Variants in SNX33 observed in about 807,000 individuals in gnomAD.
SNX33 encodes the protein sorting nexin 33, also known as sorting nexin-33.
SNX33 carries 19 observed loss-of-function variants against 38.8 expected under a neutral mutation model. That is an observed-to-expected ratio of 0.49 (90% CI 0.34 to 0.72). The LOEUF (loss-of-function observed/expected upper bound fraction) is 0.72. Ranked by LOEUF, SNX33 falls within the 30% of genes least tolerant of loss-of-function variation. SNX33 has a pLI of 0.01. For missense variants in SNX33, 641 were observed against 776.4 expected (o/e 0.83, Z 2.07); for synonymous variants, 246 against 289.7 (o/e 0.85, Z 1.53).
At position 75,657,307 on chromosome 15, in the gene SNX33, G is replaced by A; in HGVS notation, c.*92G>A. ...CTCCCTATACCAGCAGTGACTGGGGGAGGGGTCAGCGGTGGGGGAGATAAG... is the reference window on the plus strand; with the variant it reads ...CTCCCTATACCAGCAGTGACTGGGGAAGGGGTCAGCGGTGGGGGAGATAAG... On this transcript the variant is annotated 3_prime_UTR_variant, in exon 2 of 2. Transcript: ENST00000308527. The surrounding 1 kb of genome is among the most constrained non-coding windows in gnomAD (Gnocchi z 5.5). 1 of 1,567,146 alleles carries A rather than the reference G, an allele frequency of 6.4e-7. No homozygotes were observed. The highest frequency in any genetic ancestry group is 1.7e-5 in the Admixed American group (1 of 58,430).
At chr15:75,651,831 G>A (rs927726906) in intron 1 of SNX33, among the ~76,000 whole-genome samples, 4 of 152,228 alleles carry the variant, frequency 2.6e-5, no homozygotes, top group Admixed American at 2.6e-4. Flanking sequence ...GGGGCCAGGG[G>A]GCAGACCTCT....
At position 75,649,173 on chromosome 15, in the gene SNX33, A is replaced by T. The variant is rs754491251; in HGVS notation, c.71A>T (p.Asp24Val). 1.2e-6 allele frequency: 2 copies of T among 1,614,022 alleles called. No individual in the cohort carries two copies. The highest frequency in any genetic ancestry group is 1.7e-6 in the Non-Finnish European group (2 of 1,179,944). The change falls in exon 1 of 2, where the codon GAT becomes GTT. Residue 24 changes from aspartate to valine, a missense_variant. Asp to Val is a radical substitution (Grantham distance 152). Coordinates refer to ENST00000308527, the MANE Select transcript of SNX33 (RefSeq NM_153271.2). The surrounding 1 kb of genome is among the most constrained non-coding windows in gnomAD (Gnocchi z 6.6). The stretch of plus-strand genomic sequence containing the variant: ...AAGGAGGAAATCAGCATCCAGCAGG[A>T]TGAGGACCTGGTCATCTTTAGCGAG... ...ENKEEISIQQ[D>V]EDLVIFSETS...
In SNX33 at chr15:75,652,708, C is replaced by G. The variant is rs555861513; in HGVS notation, c.1471+2135C>G. Among the ~76,000 whole-genome samples, 120 of 152,328 alleles carry G rather than the reference C, an allele frequency of 7.9e-4. 1 individual carries two copies. The highest frequency in any genetic ancestry group is 3.3e-3 in the South Asian group (16 of 4,832). On this transcript the variant is annotated intron_variant, in intron 1 of 1. Coordinates refer to ENST00000308527, the MANE Select transcript of SNX33 (RefSeq NM_153271.2). ...CTGCCTTCCCTCCCCGGGAGGACCC[C>G]TCCCAATGGGCCAAGCCCTCTCTGG...
Position 75,658,387 on chromosome 15 carries a change from C to T in SNX33, c.*1172C>T, listed in dbSNP as rs1893681208. The T allele has an allele frequency of 6.6e-6, 1 of 152,634 alleles. No homozygotes were observed. Among genetic ancestry groups the T allele is most frequent in the Non-Finnish European group, 1.5e-5 (1 of 68,060 alleles). The allele number at this position is 152,634 out of a possible 1,614,324, so 9.5% of individuals were successfully genotyped here. A position where few individuals can be genotyped will look rare whatever the true frequency, so the allele number is the denominator to read the frequency against. ...GCGAGGGATTCCATGCCCACCTGCC[C>T]TCTGTCTGCCTCGCTGGAATGTGGG... On this transcript the variant is annotated 3_prime_UTR_variant, in exon 2 of 2. Coordinates refer to ENST00000308527, the MANE Select transcript of SNX33 (RefSeq NM_153271.2). This position sits in a 1 kb window ranked among gnomAD's most constrained non-coding sequence, Gnocchi z 4.1.
intron 1 of SNX33, among the ~76,000 whole-genome samples, chr15:75,651,537 T>C (rs1465746586): frequency 6.6e-6 from 1 of 152,252 alleles, no homozygotes; most frequent in Non-Finnish European, 1.5e-5. Flanking sequence ...ACAGGGGCAC[T>C]CTGGCTGGGC....
chr15:75,653,305 AT>A (rs901646225), intron 1 of SNX33, among the ~76,000 whole-genome samples: 4 of 152,152 alleles, frequency 2.6e-5, no homozygotes, highest in Non-Finnish European at 5.9e-5. Context: ...TAACCATATA[AT>A]TAACCAGGGC....
At chr15:75,651,447 G>A (rs1893579144) in intron 1 of SNX33, among the ~76,000 whole-genome samples, 1 of 151,994 alleles carries the variant, frequency 6.6e-6, no homozygotes, top group South Asian at 2.1e-4. Context: ...CCCTCTGTGG[G>A]GGAGGGACAG....
At chr15:75,654,051 C>CCA (rs1893620287) in intron 1 of SNX33, among the ~76,000 whole-genome samples, 1 of 150,752 alleles carries the variant, frequency 6.6e-6, no homozygotes, top group African/African-American at 2.5e-5. Flanking sequence ...CGAGATCAAG[C>CCA]CACTGCACTC....
intron 1 of SNX33, among the ~76,000 whole-genome samples, chr15:75,653,524 C>T (rs1893610896): frequency 6.6e-6 from 1 of 152,216 alleles, no homozygotes; most frequent in Non-Finnish European, 1.5e-5. Context: ...AGCCTCAGAG[C>T]AGGAGCTGGA....
At chr15:75,654,097 T>TA (rs77714603) in intron 1 of SNX33, among the ~76,000 whole-genome samples, 24,711 of 110,920 alleles carry the variant, frequency 0.22, 2,316 homozygotes, top group Non-Finnish European at 0.27. Context: ...CATCTCAAAT[T>TA]AAAAAAAAAA....
In SNX33 at chr15:75,659,618, A is replaced by G. The variant is rs4243036; in HGVS notation, c.*2403A>G. ...GAGCAGTGGGGGCTGGGCCAGGCCG[A>G]GGCAGGGCTGGTGGGAATGCTCCTC... On this transcript the variant is annotated 3_prime_UTR_variant, in exon 2 of 2. Coordinates refer to ENST00000308527, the MANE Select transcript of SNX33 (RefSeq NM_153271.2). 118,949 of 152,688 alleles carry G rather than the reference A, an allele frequency of 0.78. 46,676 individuals are homozygous for G. Among genetic ancestry groups the G allele is most frequent in the African/African-American group, 0.83 (34,583 of 41,512 alleles). The allele number at this position is 152,688 out of a possible 1,614,324, so 9.5% of individuals were successfully genotyped here.
rs1425604266 is a variant in SNX33, at chr15:75,647,938, C to T, written c.-1165C>T. 3 of 985,352 alleles carry T rather than the reference C, an allele frequency of 3.0e-6. No individual in the cohort carries two copies. Among genetic ancestry groups the T allele is most frequent in the Admixed American group, 6.1e-5 (1 of 16,270 alleles). 61.0% of individuals were successfully genotyped at this position (985,352 alleles called of 1,614,324 possible). ...CCTTTTTGTTTTGGAGCTGCCTTCT[C>T]GCTGGCGGAGCGGAGGGTCTGCGAG... On this transcript the variant is annotated 5_prime_UTR_variant, in exon 1 of 2. Coordinates refer to ENST00000308527, the MANE Select transcript of SNX33 (RefSeq NM_153271.2).
Position 75,650,468 on chromosome 15 carries a change from A to G in SNX33, c.1366A>G (p.Met456Val), listed in dbSNP as rs748481488. 1.9e-6 allele frequency: 3 copies of G among 1,614,086 alleles called. No homozygotes were observed. Among genetic ancestry groups the G allele is most frequent in the South Asian group, 1.1e-5 (1 of 91,074 alleles). ...CCGTACCTATGAAGCCATCGGGGAG[A>G]TGTTTGCTGAGCAGCCCAAGAATGA... ...TGRTYEAIGE[M>V]FAEQPKNDLF... The change falls in exon 1 of 2, where the codon ATG (methionine) becomes GTG (valine). Residue 456 changes from methionine (M) to valine (V), a missense_variant. This residue lies in a region of SNX33 where 398 missense variants were observed against 542.5 expected (regional missense o/e 0.73). Transcript: ENST00000308527. This position sits in a 1 kb window ranked among gnomAD's most constrained non-coding sequence, Gnocchi z 6.1.
rs1221914694 is a variant in SNX33, at chr15:75,648,479, T to G, written c.-624T>G. 4.1e-6 allele frequency: 4 copies of G among 985,282 alleles called. No individual in the cohort carries two copies. The highest frequency in any genetic ancestry group is 4.8e-6 in the Non-Finnish European group (4 of 829,966). The allele number at this position is 985,282 out of a possible 1,614,324, so 61.0% of individuals were successfully genotyped here. A position where few individuals can be genotyped will look rare whatever the true frequency, so the allele number is the denominator to read the frequency against. On this transcript the variant is annotated 5_prime_UTR_variant, in exon 1 of 2. Coordinates refer to ENST00000308527, the MANE Select transcript of SNX33 (RefSeq NM_153271.2). This position sits in a 1 kb window ranked among gnomAD's most constrained non-coding sequence, Gnocchi z 4.4. ...AAGCCGGACACATCCACCCTTGGACTCGATTCAGGCGGCTGCTGCTTTTCT... is the reference window on the plus strand; with the variant it reads ...AAGCCGGACACATCCACCCTTGGACGCGATTCAGGCGGCTGCTGCTTTTCT...
rs1037317729 is a variant in SNX33, at chr15:75,662,233, C to T, written c.*5018C>T. The T allele has an allele frequency of 2.0e-5, 3 of 152,190 alleles. No individual in the cohort carries two copies. Among genetic ancestry groups the T allele is most frequent in the Non-Finnish European group, 2.9e-5 (2 of 68,034 alleles). The allele number at this position is 152,190 out of a possible 1,614,324, so 9.4% of individuals were successfully genotyped here. A position where few individuals can be genotyped will look rare whatever the true frequency, so the allele number is the denominator to read the frequency against. Reference sequence around the variant, plus strand: ...CATATTAATATTTACCTGCATTCCACATTAAAGGGTTCAGTTTATGACTTG... The same window carrying T: ...CATATTAATATTTACCTGCATTCCATATTAAAGGGTTCAGTTTATGACTTG... On this transcript the variant is annotated 3_prime_UTR_variant, in exon 2 of 2. Coordinates refer to ENST00000308527, the MANE Select transcript of SNX33 (RefSeq NM_153271.2).
In SNX33 at chr15:75,657,276, C is replaced by A. The variant is rs1440644592; in HGVS notation, c.*61C>A. ...TGGTCACTGCAGTGTACCCCACTTTCCCGACCTCCCTATACCAGCAGTGAC... is the reference window on the plus strand; with the variant it reads ...TGGTCACTGCAGTGTACCCCACTTTACCGACCTCCCTATACCAGCAGTGAC... On this transcript the variant is annotated 3_prime_UTR_variant, in exon 2 of 2. Coordinates refer to ENST00000308527, the MANE Select transcript of SNX33 (RefSeq NM_153271.2). The surrounding 1 kb of genome is among the most constrained non-coding windows in gnomAD (Gnocchi z 5.5). 6.3e-7 allele frequency: 1 copy of A among 1,598,744 alleles called. No individual in the cohort carries two copies. Among genetic ancestry groups the A allele is most frequent in the African/African-American group, 1.3e-5 (1 of 74,748 alleles).
At chr15:75,654,334 C>G (rs576103941) in intron 1 of SNX33, among the ~76,000 whole-genome samples, 1 of 152,280 alleles carries the variant, frequency 6.6e-6, no homozygotes, top group Admixed American at 6.5e-5. Context: ...TGCAACCTGT[C>G]CCACTGGGCA....
In SNX33 at chr15:75,649,346, G is replaced by A. The variant is rs773510877; in HGVS notation, c.244G>A (p.Val82Met). ...SSPAGSPGAQ[V>M]SLYNSPSVAS... ...CCCTGCAGGCTCTCCCGGAGCCCAGGTGAGCTTGTACAACAGCCCCAGTGT... is the reference window on the plus strand; with the variant it reads ...CCCTGCAGGCTCTCCCGGAGCCCAGATGAGCTTGTACAACAGCCCCAGTGT... The change falls in exon 1 of 2, where the codon GTG becomes ATG. Residue 82 changes from valine to methionine, a missense_variant. Coordinates refer to ENST00000308527, the MANE Select transcript of SNX33 (RefSeq NM_153271.2). The surrounding 1 kb of genome is among the most constrained non-coding windows in gnomAD (Gnocchi z 6.6). 44 of 1,574,522 alleles carry A rather than the reference G, an allele frequency of 2.8e-5. No homozygotes were observed. Among genetic ancestry groups the A allele is most frequent in the Admixed American group, 5.3e-5 (3 of 56,500 alleles).
intron 1 of SNX33, among the ~76,000 whole-genome samples, chr15:75,654,374 A>T (rs1893626571): frequency 6.6e-6 from 1 of 152,188 alleles, no homozygotes; most frequent in South Asian, 2.1e-4. Context: ...AGGCAAGAGC[A>T]GTGGCTTGCT....
Sources: allele counts gnomAD v4.1 joint callset (sites outside exome capture counted in the v4.1 genomes callset), GRCh38; gene constraint gnomAD v4.1.1; regional missense constraint gnomAD v4.1.1; non-coding constraint Gnocchi (gnomAD v3.1); transcripts MANE v1.5; gene names NCBI Gene and HGNC (gene_info 2026-07-23, HGNC 2026-07-21).